CTXN2: variants seen among roughly 807,000 people sequenced by gnomAD.
The protein encoded by CTXN2 is cortexin-2.
CTXN2 carries 3 observed loss-of-function variants against 5.7 expected under a neutral mutation model. The ratio of observed to expected loss-of-function variants is 0.53; its 90% CI spans 0.24 to 1.36. The LOEUF is 1.36. Among genes scored for constraint, CTXN2 ranks in the 40% most tolerant of loss-of-function variants. CTXN2 has a pLI of 0.17. For missense variants in CTXN2, 87 were observed against 93.0 expected (o/e 0.94, Z 0.26); for synonymous variants, 38 against 36.4 (o/e 1.04, Z -0.16).
At chr15:48,200,538 A>C (rs2040919894) in intron 1 of CTXN2, among the ~76,000 whole-genome samples, 1 of 152,132 alleles carries the variant, frequency 6.6e-6, no homozygotes. Context: ...GTTTACTTAG[A>C]GTGTTCTGAA....
chr15:48,189,752 CTA>C (rs1195192188), upstream of CTXN2, among the ~76,000 whole-genome samples: 4 of 152,222 alleles, frequency 2.6e-5, no homozygotes, highest in African/African-American at 4.8e-5. Context: ...TTCCCACAAT[CTA>C]TGACTGACTG....
At chr15:48,180,482 T>A (rs1025156376) in intron 1 of CTXN2, among the ~76,000 whole-genome samples, 2 of 152,204 alleles carry the variant, frequency 1.3e-5, no homozygotes, top group Admixed American at 6.5e-5. Context: ...TATTTGCTTG[T>A]CTTCCTCTCT....
At chr15:48,199,316 C>T (rs1286568058) in intron 1 of CTXN2, among the ~76,000 whole-genome samples, 5 of 152,170 alleles carry the variant, frequency 3.3e-5, no homozygotes, top group Non-Finnish European at 7.3e-5. Flanking sequence ...TTGCTGCCAA[C>T]ATTCTTTGTT....
chr15:48,183,046 G>T (rs1219419757), intron 1 of CTXN2, among the ~76,000 whole-genome samples: 1 of 152,162 alleles, frequency 6.6e-6, no homozygotes, highest in African/African-American at 2.4e-5. Context: ...TGCAAATTTT[G>T]TAACAGTGCC....
chr15:48,192,216 G>C (rs8039427), intron 1 of CTXN2: 1 of 171,244 alleles, frequency 5.8e-6, no homozygotes, highest in Non-Finnish European at 1.3e-5. Flanking sequence ...TGATGATGAT[G>C]GTCTAGGTTT....
At chr15:48,187,936 G>A (rs543686511), upstream of CTXN2, among the ~76,000 whole-genome samples, 15 of 152,034 alleles carry the variant, frequency 9.9e-5, no homozygotes, top group Admixed American at 3.9e-4. Flanking sequence ...AAATTTCTTC[G>A]TCATCTTGAC....
At chr15:48,185,725 G>C (rs2040745606) in intron 1 of CTXN2, among the ~76,000 whole-genome samples, 1 of 152,140 alleles carries the variant, frequency 6.6e-6, no homozygotes, top group African/African-American at 2.4e-5. Context: ...CAAAGATCAG[G>C]AAGAATTGTG....
At chr15:48,188,511 T>C (rs964782528), upstream of CTXN2, among the ~76,000 whole-genome samples, 8 of 152,212 alleles carry the variant, frequency 5.3e-5, no homozygotes, top group African/African-American at 1.9e-4. Flanking sequence ...GTAAGTTATA[T>C]GTTGACCAAC....
chr15:48,181,419 A>C (rs1165540770), intron 1 of CTXN2, among the ~76,000 whole-genome samples: 8 of 152,160 alleles, frequency 5.3e-5, no homozygotes, highest in Non-Finnish European at 1.2e-4. Context: ...GTCTCACACA[A>C]CACTTCCGCT....
intron 1 of CTXN2, among the ~76,000 whole-genome samples, chr15:48,198,708 G>GA (rs2040901973): frequency 6.6e-6 from 1 of 152,128 alleles, no homozygotes; most frequent in African/African-American, 2.4e-5. Context: ...TAGGTTTTAA[G>GA]AAAAATAAGA....
At chr15:48,197,173 A>G (rs750844108) in intron 1 of CTXN2, among the ~76,000 whole-genome samples, 2 of 151,986 alleles carry the variant, frequency 1.3e-5, no homozygotes, top group Non-Finnish European at 2.9e-5. Context: ...ATCTGAACAT[A>G]TGGTATGTGA....
rs1347283809 is a variant in CTXN2 at position 48,201,634 on chromosome 15, C to T, written c.*88C>T. The stretch of plus-strand genomic sequence containing the variant: ...CTACCTTGAGGGTGTGGGAGAGAGG[C>T]TCATTTTGTTCAGTGAATTCAATAA... On this transcript the variant is annotated 3_prime_UTR_variant, in exon 2 of 2. Coordinates refer to ENST00000417307, the MANE Select transcript of CTXN2 (RefSeq NM_001145668.2). 5 of 1,305,098 alleles carry T rather than the reference C, an allele frequency of 3.8e-6. No individual in the cohort carries two copies. The highest frequency in any genetic ancestry group is 3.2e-6 in the Non-Finnish European group (3 of 948,524). 80.8% of individuals were successfully genotyped at this position (1,305,098 alleles called of 1,614,324 possible).
chr15:48,183,470 C>G (rs1246130308), intron 1 of CTXN2, among the ~76,000 whole-genome samples: 1 of 152,146 alleles, frequency 6.6e-6, no homozygotes, highest in Non-Finnish European at 1.5e-5. Flanking sequence ...GTTTAAAATT[C>G]ATCATCTTAT....
At chr15:48,188,520 A>C (rs1328010409), upstream of CTXN2, among the ~76,000 whole-genome samples, 1 of 152,178 alleles carries the variant, frequency 6.6e-6, no homozygotes, top group African/African-American at 2.4e-5. Context: ...ATGTTGACCA[A>C]CACTTTAGTA....
chr15:48,200,488 G>A (rs1444518599), intron 1 of CTXN2, among the ~76,000 whole-genome samples: 2 of 152,132 alleles, frequency 1.3e-5, no homozygotes, highest in East Asian at 3.8e-4. Flanking sequence ...TCTTGAAGTT[G>A]AATTTGCAGA....
At chr15:48,193,465 A>AT (rs796232730) in intron 1 of CTXN2, among the ~76,000 whole-genome samples, 1 of 151,816 alleles carries the variant, frequency 6.6e-6, no homozygotes, top group African/African-American at 2.4e-5. Flanking sequence ...TTGAAAGTTC[A>AT]TTTTTTCTTA....
upstream of CTXN2, chr15:48,189,421 G>T (rs992740371): frequency 3.9e-5 from 6 of 152,198 alleles, no homozygotes; most frequent in African/African-American, 1.4e-4. Flanking sequence ...ACAAGTCAAA[G>T]TCTCCAACCG....
chr15:48,197,000 G>T (rs1031554920), intron 1 of CTXN2, among the ~76,000 whole-genome samples: 1 of 132,866 alleles, frequency 7.5e-6, no homozygotes, highest in African/African-American at 2.8e-5. Context: ...AGTATTATCC[G>T]CTTACATTGT....
Position 48,193,785 on chromosome 15 carries a change from A to G in CTXN2, c.-58+1932A>G, listed in dbSNP as rs2040850174. 3.3e-5 allele frequency among the ~76,000 whole-genome samples: 5 copies of G among 152,100 alleles called. No individual in the cohort carries two copies. In the South Asian group the frequency reaches 1.0e-3, roughly 31 times the overall value. ...ATTTTCATATCATATTATGCTCTAT[A>G]TCAGTAGAAAAGCAGGACTTGGCAC... On this transcript the variant is annotated intron_variant, in intron 1 of 1. Transcript: ENST00000417307.
Sources: allele counts gnomAD v4.1 joint callset (sites outside exome capture counted in the v4.1 genomes callset), GRCh38; gene constraint gnomAD v4.1.1; transcripts MANE v1.5; gene names NCBI Gene and HGNC (gene_info 2026-07-23, HGNC 2026-07-21).